SPATA31C2: variants seen among roughly 807,000 people sequenced by gnomAD.
The protein encoded by SPATA31C2 is spermatogenesis-associated protein 31C2.
In SPATA31C2, 5 loss-of-function variants were observed where a neutral mutation model predicts 11.4. The ratio of observed to expected loss-of-function variants is 0.44; its 90% CI spans 0.23 to 0.92. The LOEUF (loss-of-function observed/expected upper bound fraction) is 0.92. SPATA31C2 is among the 40% of genes least tolerant of loss of function. The pLI is 0.24. For missense variants in SPATA31C2, 1,353 were observed against 1,368.6 expected (o/e 0.99, Z 0.18); for synonymous variants, 515 against 538.7 (o/e 0.96, Z 0.61).
chr9:88,130,961 G>C lies in SPATA31C2; in HGVS notation c.2076C>G (p.Thr692=), dbSNP rs1316850971. 6.2e-7 allele frequency: 1 copy of C among 1,612,912 alleles called. No homozygotes were observed. Among genetic ancestry groups the C allele is most frequent in the Non-Finnish European group, 8.5e-7 (1 of 1,179,882 alleles). ...LIQLAGPSSD[T]CESGAGSKVE... ...CTTTTGAGCCAGCCCCAGATTCGCA[G>C]GTGTCTGAGGAGGGACCAGCAAGCT... The change falls in exon 4 of 4, where the codon ACC becomes ACG. Residue 692 remains threonine, a synonymous_variant. Coordinates refer to ENST00000324915, the MANE Select transcript of SPATA31C2 (RefSeq NM_001350978.3).
chr9:88,136,425 C>T (rs866533719), intron 1 of SPATA31C2, among the ~76,000 whole-genome samples: 128 of 141,254 alleles, frequency 9.1e-4, no homozygotes, highest in Non-Finnish European at 1.6e-3. Context: ...AAACTTTAAA[C>T]AATATTCTAG....
Position 88,132,109 on chromosome 9 carries a change from G to T in SPATA31C2, c.928C>A (p.Arg310Ser), listed in dbSNP as rs766183797. The change falls in exon 4 of 4, where the codon CGC (arginine) becomes AGC (serine). Residue 310 changes from arginine to serine, a missense_variant. By Grantham distance (110) the Arg-to-Ser change is moderately radical. Transcript: ENST00000324915. ...GGGGACATTGTAGTGTCCCTTTGGCGGGAAAGATGATCTTGCTGGACTGAC... is the reference window on the plus strand; with the variant it reads ...GGGGACATTGTAGTGTCCCTTTGGCTGGAAAGATGATCTTGCTGGACTGAC... ...NSSVQQDHLSRQRDTTMSPLL... is the reference protein window; with the variant it reads ...NSSVQQDHLSSQRDTTMSPLL... 2.5e-6 allele frequency: 4 copies of T among 1,610,642 alleles called. No individual in the cohort carries two copies. Among genetic ancestry groups the T allele is most frequent in the Non-Finnish European group, 3.4e-6 (4 of 1,177,574 alleles).
In SPATA31C2 at chr9:88,131,804, A is replaced by C. The variant is rs770603851; in HGVS notation, c.1233T>G (p.Ala411=). The C allele has an allele frequency of 1.9e-6, 3 of 1,611,608 alleles. No homozygotes were observed. In the East Asian group the frequency reaches 6.7e-5, roughly 36 times the overall value. ...LLKKQLEGGL[A]LPSRVQKSQD... ...GAGATTTTTGGACCCTAGAGGGTAA[A>C]GCCAACCCACCTTCTAGTTGTTTCT... Residue 411 remains alanine (A), a synonymous_variant, in exon 4 of 4, where the codon GCT becomes GCG. Transcript: ENST00000324915.
chr9:88,137,328 A>C (rs1825694814), intron 1 of SPATA31C2, among the ~76,000 whole-genome samples: 1 of 146,092 alleles, frequency 6.8e-6, no homozygotes, highest in Non-Finnish European at 1.5e-5. Context: ...GTCTTTATTA[A>C]AAAAAAAAAG....
In SPATA31C2 at chr9:88,132,580, G is replaced by C. The variant is rs745350753; in HGVS notation, c.457C>G (p.Pro153Ala). The C allele has an allele frequency of 1.1e-5, 18 of 1,610,334 alleles. 1 individual carries two copies. The Admixed American group carries it at 3.0e-4, about 27-fold the overall frequency. Residue 153 changes from proline to alanine, a missense_variant, in exon 4 of 4, where the codon CCC becomes GCC. This residue lies in a region of SPATA31C2 where 1,075 missense variants were observed against 992.8 expected (regional missense o/e 1.08). Coordinates refer to ENST00000324915, the MANE Select transcript of SPATA31C2 (RefSeq NM_001350978.3). ...GGGGAAGCTAACGGGGAGACAATGG[G>C]AGCAGCGTCTTCCGTAGGCTCATGA... ...SSHEPTEDAAPIVSPLASPDP... is the reference protein window; with the variant it reads ...SSHEPTEDAAAIVSPLASPDP...
chr9:88,135,329 C>A (rs1825665903), intron 1 of SPATA31C2, among the ~76,000 whole-genome samples: 1 of 110,110 alleles, frequency 9.1e-6, no homozygotes, highest in Non-Finnish European at 1.6e-5. Flanking sequence ...GAAATTTTGG[C>A]TATGTACCAG....
Position 88,131,017 on chromosome 9 carries a change from G to C in SPATA31C2, c.2020C>G (p.Leu674Val). Residue 674 changes from leucine to valine, a missense_variant, in exon 4 of 4, where the codon CTG becomes GTG. Physicochemically the swap from Leu to Val is conservative, Grantham distance 32. Transcript: ENST00000324915. ...RVLKPIQCFQ[L>V]EKVSSLSLIQ... Reference sequence around the variant, plus strand: ...AGGGACAAGGATGAAACCTTTTCCAGTTGAAAGCACTGAATGGGCTTGAGG... The same window carrying C: ...AGGGACAAGGATGAAACCTTTTCCACTTGAAAGCACTGAATGGGCTTGAGG... 6.2e-7 allele frequency: 1 copy of C among 1,612,130 alleles called. No homozygotes were observed. The highest frequency in any genetic ancestry group is 8.5e-7 in the Non-Finnish European group (1 of 1,179,864).
chr9:88,133,964 C>T (rs1397145944), intron 1 of SPATA31C2, among the ~76,000 whole-genome samples: 4 of 152,120 alleles, frequency 2.6e-5, no homozygotes, highest in Non-Finnish European at 5.9e-5. Context: ...TGAGACCAGC[C>T]TAGCCATGGT....
rs482849 is a variant in SPATA31C2, at chr9:88,131,671, G to A, written c.1366C>T (p.His456Tyr). Residue 456 changes from histidine to tyrosine, a missense_variant, in exon 4 of 4, where the codon CAC becomes TAC. This residue lies in a region of SPATA31C2 where 1,075 missense variants were observed against 992.8 expected (regional missense o/e 1.08). Transcript: ENST00000324915. ...TGGATCCTTCCACGTTGCCCCATGT[G>A]TTGCTCCAGTTGTCTCCAGAGTTCA... is the stretch of plus-strand genomic sequence containing the variant. The part of the protein sequence containing the change: ...SPELWRQLEQ[H>Y]MGQRGRIQES... 43 of 1,611,936 alleles carry A rather than the reference G, an allele frequency of 2.7e-5. No individual in the cohort carries two copies. Among genetic ancestry groups the A allele is most frequent in the Middle Eastern group, 2.3e-4 (1 of 4,428 alleles).
Sources: gnomAD v4.1 joint callset for allele counts (sites outside exome capture counted in the v4.1 genomes callset) on GRCh38, gnomAD v4.1.1 for gene constraint, gnomAD v4.1.1 regional missense constraint, MANE v1.5 for transcripts, NCBI Gene and HGNC (gene_info 2026-07-23, HGNC 2026-07-21) for gene names.